Variants in NELL1 observed in about 807,000 individuals in gnomAD.
NELL1 encodes neural EGFL like 1.
A neutral mutation model predicts 107.4 loss-of-function variants in NELL1; 76 were observed. The ratio of observed to expected loss-of-function variants is 0.71; its 90% CI spans 0.59 to 0.86. The LOEUF (loss-of-function observed/expected upper bound fraction) is 0.86, where lower values mean the gene tolerates loss of function less well. Ranked by LOEUF, NELL1 falls within the 40% of genes least tolerant of loss-of-function variation. The pLI is 0.00. For missense variants in NELL1, 1,024 were observed against 1,005.5 expected, an observed-to-expected ratio of 1.02 and a Z score of -0.25; for synonymous variants, 353 against 341.2, an observed-to-expected ratio of 1.03 and a Z score of -0.38.
At chr11:21,179,748 C>T (rs1856788033) in intron 13 of NELL1, among the ~76,000 whole-genome samples, 1 of 151,384 alleles carries the variant, frequency 6.6e-6, no homozygotes, top group African/African-American at 2.4e-5. Flanking sequence ...TTATTTGCTT[C>T]CTGGAGCTAC....
At chr11:20,751,770 G>C (rs546999866) in intron 2 of NELL1, among the ~76,000 whole-genome samples, 1 of 152,134 alleles carries the variant, frequency 6.6e-6, no homozygotes, top group East Asian at 1.9e-4. Flanking sequence ...GATTACAGAC[G>C]TTAATCACCA....
intron 10 of NELL1, among the ~76,000 whole-genome samples, chr11:20,939,359 ACCAGG>A (rs1483334374): frequency 1.3e-5 from 2 of 151,704 alleles, no homozygotes; most frequent in African/African-American, 4.9e-5. Flanking sequence ...AGAAGGCCAG[ACCAGG>A]CTTGATACTA....
intron 4 of NELL1, among the ~76,000 whole-genome samples, chr11:20,875,790 A>G (rs1849292194): frequency 6.6e-6 from 1 of 152,194 alleles, no homozygotes; most frequent in Non-Finnish European, 1.5e-5. Context: ...TATTAAGGAC[A>G]TAAAATATGG....
intron 15 of NELL1, among the ~76,000 whole-genome samples, chr11:21,410,208 AC>A (rs1852341980): frequency 1.3e-5 from 2 of 152,066 alleles, no homozygotes; most frequent in Admixed American, 1.3e-4. Flanking sequence ...ACACAAAAAA[AC>A]AAACCTGTTT....
At chr11:21,324,978 C>G (rs1487322858) in intron 14 of NELL1, among the ~76,000 whole-genome samples, 4 of 152,050 alleles carry the variant, frequency 2.6e-5, no homozygotes, top group South Asian at 4.1e-4. Context: ...AACCTCCCCC[C>G]ATCTTTGTTT....
intron 12 of NELL1, among the ~76,000 whole-genome samples, chr11:20,962,532 C>T (rs1158198568): frequency 2.0e-5 from 3 of 152,162 alleles, no homozygotes; most frequent in Non-Finnish European, 2.9e-5. Flanking sequence ...CTATTGAGAC[C>T]CAGCAGAATA....
chr11:21,488,090 G>A (rs1434970863), intron 15 of NELL1, among the ~76,000 whole-genome samples: 1 of 150,542 alleles, frequency 6.6e-6, no homozygotes, highest in African/African-American at 2.4e-5. Flanking sequence ...TACTTTAAAA[G>A]CCTATTCTCA....
intron 5 of NELL1, 75 bp downstream of exon 5, chr11:20,885,615 G>A (rs896032749): frequency 1.6e-5 from 15 of 931,508 alleles, no homozygotes; most frequent in East Asian, 2.5e-5. Flanking sequence ...TATTGGAGCC[G>A]TGTTTATAAT....
At chr11:21,507,403 A>C (rs1295631366) in intron 15 of NELL1, among the ~76,000 whole-genome samples, 2 of 152,228 alleles carry the variant, frequency 1.3e-5, no homozygotes, top group African/African-American at 4.8e-5. Context: ...AGGATCCTAC[A>C]GATGTAGCCC....
chr11:20,704,916 C>A (rs1854901635), intron 2 of NELL1, among the ~76,000 whole-genome samples: 2 of 152,092 alleles, frequency 1.3e-5, no homozygotes, highest in Non-Finnish European at 2.9e-5. Flanking sequence ...TTCACAATTG[C>A]TTCAAAGAGA....
At chr11:21,474,663 G>T (rs533432034) in intron 15 of NELL1, among the ~76,000 whole-genome samples, 1 of 152,052 alleles carries the variant, frequency 6.6e-6, no homozygotes, top group Non-Finnish European at 1.5e-5. Flanking sequence ...TCTAGTAAAT[G>T]CTTCCCTTGT....
In NELL1 at chr11:21,410,948, G is replaced by T. The variant is rs191923439; in HGVS notation, c.1645+40000G>T. On this transcript the variant is annotated intron_variant, in intron 15 of 19. Transcript: ENST00000357134. Reference sequence around the variant, plus strand: ...CCCACCCCCAACAGATGGTTCATATGGTGATATCTTCTGAAGAGAATATAG... The same window carrying T: ...CCCACCCCCAACAGATGGTTCATATTGTGATATCTTCTGAAGAGAATATAG... Among the ~76,000 whole-genome samples the T allele has an allele frequency of 3.3e-4, 50 of 152,060 alleles. No homozygotes were observed. The East Asian group carries it at 9.2e-3, about 28-fold the overall frequency.
intron 10 of NELL1, among the ~76,000 whole-genome samples, chr11:20,941,745 C>A (rs143808913): frequency 6.6e-6 from 1 of 152,014 alleles, no homozygotes; most frequent in South Asian, 2.1e-4. Context: ...AAATAGAACG[C>A]GAGGCCTAGG....
chr11:21,386,745 A>G (rs934033624), intron 15 of NELL1, among the ~76,000 whole-genome samples: 1 of 151,920 alleles, frequency 6.6e-6, no homozygotes, highest in African/African-American at 2.4e-5. Flanking sequence ...ATTCACTTGT[A>G]TGTTCTCCAT....
intron 2 of NELL1, among the ~76,000 whole-genome samples, chr11:20,683,654 T>G (rs1245794719): frequency 6.6e-6 from 1 of 152,168 alleles, no homozygotes; most frequent in African/African-American, 2.4e-5. Flanking sequence ...TTTCTTATAG[T>G]GCAGGTCTGC....
chr11:21,569,611 A>G (rs961011127), intron 17 of NELL1, among the ~76,000 whole-genome samples: 1 of 151,936 alleles, frequency 6.6e-6, no homozygotes, highest in African/African-American at 2.4e-5. Context: ...CAGTGAGTAC[A>G]TAAGAGCTGT....
intron 13 of NELL1, among the ~76,000 whole-genome samples, chr11:21,205,205 C>T (rs80233802): frequency 0.054 from 8,161 of 152,174 alleles, 714 homozygotes; most frequent in African/African-American, 0.19. Context: ...GTTGAAGATG[C>T]GCCCACAGCC....
intron 15 of NELL1, among the ~76,000 whole-genome samples, chr11:21,470,786 G>T (rs1235567983): frequency 3.3e-5 from 5 of 152,036 alleles, no homozygotes; most frequent in South Asian, 2.1e-4. Flanking sequence ...GCACTGTGCA[G>T]CAGTTTGGAA....
intron 3 of NELL1, among the ~76,000 whole-genome samples, chr11:20,837,073 G>GCTGACTTC (rs1166056176): frequency 6.6e-6 from 1 of 152,152 alleles, no homozygotes; most frequent in African/African-American, 2.4e-5. Context: ...GGAAATAGGA[G>GCTGACTTC]CTGACTTCCG....
Sources: gnomAD v4.1 joint callset for allele counts (sites outside exome capture counted in the v4.1 genomes callset) on GRCh38, gnomAD v4.1.1 for gene constraint, MANE v1.5 for transcripts, NCBI Gene and HGNC (gene_info 2026-07-23, HGNC 2026-07-21) for gene names.